Variants in ZSCAN2 observed in about 807,000 individuals in gnomAD.
ZSCAN2 encodes zinc finger and SCAN domain-containing protein 2.
ZSCAN2 carries 26 observed loss-of-function variants against 47.8 expected under a neutral mutation model. That is an observed-to-expected ratio of 0.54 (90% CI 0.40 to 0.75). ZSCAN2 has a LOEUF of 0.75. ZSCAN2 is among the 30% of genes least tolerant of loss of function. The pLI, the probability that ZSCAN2 is intolerant of heterozygous loss-of-function variation, is 0.00. For missense variants in ZSCAN2, 732 were observed against 785.4 expected, an observed-to-expected ratio of 0.93 and a Z score of 0.81; for synonymous variants, 305 against 288.7, an observed-to-expected ratio of 1.06 and a Z score of -0.57.
chr15:84,604,714 C>CAACA (rs1234511523), intron 2 of ZSCAN2, among the ~76,000 whole-genome samples: 1 of 150,494 alleles, frequency 6.6e-6, no homozygotes, highest in Non-Finnish European at 1.5e-5. Context: ...CTGATATTTT[C>CAACA]AACATGACTT....
rs1250252366 is a variant in ZSCAN2 at position 84,622,614 on chromosome 15, C to G, written c.*574C>G. On this transcript the variant is annotated 3_prime_UTR_variant, in exon 3 of 3. Coordinates refer to ENST00000546148, the MANE Select transcript of ZSCAN2 (RefSeq NM_181877.4). ...GGGGCTTCTCCAGTTCTGAGTCACC[C>G]ACGTGAAGGTAAAGACCCTTTCTAT... The G allele has an allele frequency of 7.0e-6, 5 of 717,336 alleles. No homozygotes were observed. Among genetic ancestry groups the G allele is most frequent in the African/African-American group, 1.7e-5 (1 of 57,252 alleles). The allele number at this position is 717,336 out of a possible 1,614,324, so 44.4% of individuals were successfully genotyped here.
rs1444429512 is a variant in ZSCAN2 at position 84,622,107 on chromosome 15, T to G, written c.*67T>G. 2.2e-6 allele frequency: 3 copies of G among 1,353,582 alleles called. No homozygotes were observed. The highest frequency in any genetic ancestry group is 3.1e-6 in the Non-Finnish European group (3 of 982,686). The allele number at this position is 1,353,582 out of a possible 1,614,324, so 83.8% of individuals were successfully genotyped here. A position where few individuals can be genotyped will look rare whatever the true frequency, so the allele number is the denominator to read the frequency against. On this transcript the variant is annotated 3_prime_UTR_variant, in exon 3 of 3. Coordinates refer to ENST00000546148, the MANE Select transcript of ZSCAN2 (RefSeq NM_181877.4). Reference sequence around the variant, plus strand: ...GTTGCCACACTGCCCCAACAGTGATTCCCTTTCAAAGAGCTGTGCTTCCTA... The same window carrying G: ...GTTGCCACACTGCCCCAACAGTGATGCCCTTTCAAAGAGCTGTGCTTCCTA...
At chr15:84,617,304 C>T (rs988756610) in intron 2 of ZSCAN2, among the ~76,000 whole-genome samples, 5 of 151,864 alleles carry the variant, frequency 3.3e-5, no homozygotes, top group East Asian at 1.9e-4. Flanking sequence ...GGCGTGTTGG[C>T]GTGCGCCTGT....
rs142916137 is a variant in ZSCAN2 at position 84,621,976 on chromosome 15, G to C, written c.1781G>C (p.Gly594Ala). 12 of 1,613,970 alleles carry C rather than the reference G, an allele frequency of 7.4e-6. No homozygotes were observed. The highest frequency in any genetic ancestry group is 2.2e-5 in the South Asian group (2 of 91,082). Residue 594 changes from glycine to alanine, a missense_variant, in exon 3 of 3, where the codon GGC becomes GCC. Physicochemically the swap from Gly to Ala is moderately conservative, Grantham distance 60. Coordinates refer to ENST00000546148, the MANE Select transcript of ZSCAN2 (RefSeq NM_181877.4). The surrounding 1 kb of genome is among the most constrained non-coding windows in gnomAD (Gnocchi z 5.7). ...TACAAATGCCCCGAGTGTGGCAAAG[G>C]CTTCAGCAACAGCTCTAACTTTATC... The part of the protein sequence containing the change: ...KPYKCPECGK[G>A]FSNSSNFITH...
rs769982351 is a variant in ZSCAN2, at chr15:84,620,789, G to A, written c.594G>A (p.Glu198=). 1 of 1,614,240 alleles carries A rather than the reference G, an allele frequency of 6.2e-7. No individual in the cohort carries two copies. Among genetic ancestry groups the A allele is most frequent in the South Asian group, 1.1e-5 (1 of 91,092 alleles). ...QGHSPGEDHG[E]VVSQDREVGQ... is the part of the protein sequence containing the mutation. ...ACAGCCCAGGTGAGGACCACGGGGA[G>A]GTGGTTTCTCAGGACAGGGAAGTTG... The change falls in exon 3 of 3, where the codon GAG becomes GAA. Residue 198 remains glutamate, a synonymous_variant. Transcript: ENST00000546148.
chr15:84,619,556 G>C (rs901249057), intron 2 of ZSCAN2, among the ~76,000 whole-genome samples: 1 of 152,156 alleles, frequency 6.6e-6, no homozygotes, highest in African/African-American at 2.4e-5. Context: ...CACGGGCTCT[G>C]TCATCTTTCC....
At position 84,623,226 on chromosome 15, in the gene ZSCAN2, T is replaced by A. The variant is rs920575440; in HGVS notation, c.*1186T>A. The A allele has an allele frequency of 3.1e-5, 5 of 160,994 alleles. No individual in the cohort carries two copies. The highest frequency in any genetic ancestry group is 1.2e-4 in the African/African-American group (5 of 41,472). The allele number at this position is 160,994 out of a possible 1,614,324, so 10.0% of individuals were successfully genotyped here. A position where few individuals can be genotyped will look rare whatever the true frequency, so the allele number is the denominator to read the frequency against. On this transcript the variant is annotated 3_prime_UTR_variant, in exon 3 of 3. Transcript: ENST00000546148. ...CCTCAGCCTCCCGAGTAGCTGGGAC[T>A]ACAGGTGCCCACCACCACACCCAGC... is the stretch of plus-strand genomic sequence containing the variant.
At chr15:84,612,819 G>C (rs1895591418) in intron 2 of ZSCAN2, among the ~76,000 whole-genome samples, 1 of 152,156 alleles carries the variant, frequency 6.6e-6, no homozygotes, top group African/African-American at 2.4e-5. Flanking sequence ...TATGTTCTTT[G>C]ATTGTCTTGT....
chr15:84,608,751 A>G (rs988567833), intron 2 of ZSCAN2, among the ~76,000 whole-genome samples: 2 of 152,066 alleles, frequency 1.3e-5, no homozygotes, highest in African/African-American at 4.8e-5. Context: ...GGGAGTTTTG[A>G]AAGTGCCCAG....
At chr15:84,614,983 TCACTGTGTCGCC>T (rs1280767954) in intron 2 of ZSCAN2, 2 of 138,614 alleles carry the variant, frequency 1.4e-5, no homozygotes, top group African/African-American at 5.4e-5. Context: ...AGACGGAGTC[TCACTGTGTCGCC>T]CAGGCTGGAG....
intron 2 of ZSCAN2, among the ~76,000 whole-genome samples, chr15:84,615,246 G>A (rs1194379754): frequency 6.6e-6 from 1 of 152,140 alleles, no homozygotes; most frequent in Admixed American, 6.6e-5. Flanking sequence ...GAGCCACCAC[G>A]CCTGGCCTTT....
chr15:84,602,587 CTT>C (rs981357914), intron 1 of ZSCAN2, among the ~76,000 whole-genome samples: 35 of 115,726 alleles, frequency 3.0e-4, no homozygotes, highest in Middle Eastern at 5.0e-3. Context: ...CTTTTCTTTT[CTT>C]TTTTTTTTTT....
chr15:84,604,368 G>A (rs748196536), intron 2 of ZSCAN2, 35 bp downstream of exon 2: 2 of 1,570,598 alleles, frequency 1.3e-6, no homozygotes, highest in Non-Finnish European at 1.7e-6. Flanking sequence ...GAGGGCGGGA[G>A]CACCCTTCCA....
rs112683340 is a variant in ZSCAN2, at chr15:84,603,730, G to A, written c.-108-90G>A. ...CGTCTGTTGGTTTGCATATGTAAGGGCCACTTGGTGGTCTGACCTGGGCTT... is the reference window on the plus strand; with the variant it reads ...CGTCTGTTGGTTTGCATATGTAAGGACCACTTGGTGGTCTGACCTGGGCTT... On this transcript the variant is annotated intron_variant, in intron 1 of 2. Coordinates refer to ENST00000546148, the MANE Select transcript of ZSCAN2 (RefSeq NM_181877.4). 896 of 566,464 alleles carry A rather than the reference G, an allele frequency of 1.6e-3. 5 individuals carry two copies. Among genetic ancestry groups the A allele is most frequent in the African/African-American group, 4.4e-3 (235 of 53,428 alleles). 35.1% of individuals were successfully genotyped at this position (566,464 alleles called of 1,614,324 possible).
chr15:84,616,231 C>T, intron 2 of ZSCAN2: 1 of 848,700 alleles, frequency 1.2e-6, no homozygotes, highest in Non-Finnish European at 2.0e-6. Flanking sequence ...AGTGAGACTT[C>T]ATCTCAAAAA....
At position 84,604,062 on chromosome 15, in the gene ZSCAN2, G is replaced by A. The variant is rs370985141; in HGVS notation, c.135G>A (p.Val45=). ...ATGACTCCTGGGTGCAAGAAGCTGT[G>A]CTGCAGGAGGATGGCCCTGAGTCTG... is the stretch of plus-strand genomic sequence containing the variant. ...LEDDSWVQEA[V]LQEDGPESEP... Residue 45 remains valine, a synonymous_variant, in exon 2 of 3, where the codon GTG becomes GTA. Transcript: ENST00000546148. The A allele has an allele frequency of 1.2e-6, 2 of 1,614,144 alleles. No homozygotes were observed. Among genetic ancestry groups the A allele is most frequent in the Non-Finnish European group, 1.7e-6 (2 of 1,180,024 alleles).
intron 2 of ZSCAN2, 74 bp downstream of exon 2, chr15:84,604,407 G>T: frequency 6.6e-7 from 1 of 1,517,568 alleles, no homozygotes. Context: ...TTTCGGAGGA[G>T]GAGAAGGTGG....
Position 84,619,645 on chromosome 15 carries a change from G to A in ZSCAN2, c.407-957G>A, listed in dbSNP as rs78536077. ...AGAAATTATTATATAAGCTCCTTTTGAAAGGAGACTGAGCTTTAGGGAAAT... is the reference window on the plus strand; with the variant it reads ...AGAAATTATTATATAAGCTCCTTTTAAAAGGAGACTGAGCTTTAGGGAAAT... On this transcript the variant is annotated intron_variant, in intron 2 of 2. Coordinates refer to ENST00000546148, the MANE Select transcript of ZSCAN2 (RefSeq NM_181877.4). 1.7e-3 allele frequency among the ~76,000 whole-genome samples: 259 copies of A among 152,246 alleles called. 2 individuals carry two copies. The highest frequency in any genetic ancestry group is 2.9e-3 in the Non-Finnish European group (197 of 68,014).
intron 2 of ZSCAN2, among the ~76,000 whole-genome samples, chr15:84,605,674 C>T (rs762410763): frequency 5.3e-5 from 8 of 152,152 alleles, no homozygotes; most frequent in Admixed American, 2.0e-4. Flanking sequence ...TGGAAGGAAG[C>T]GGAGTTTGGC....
Sources: allele counts gnomAD v4.1 joint callset (sites outside exome capture counted in the v4.1 genomes callset), GRCh38; gene constraint gnomAD v4.1.1; non-coding constraint Gnocchi (gnomAD v3.1); transcripts MANE v1.5; gene names NCBI Gene and HGNC (gene_info 2026-07-23, HGNC 2026-07-21).